The following DDX39A variants were observed in gnomAD, a reference collection of about 807,000 sequenced individuals.
DDX39A encodes the protein DExD-box helicase 39A, also known as ATP-dependent RNA helicase DDX39A.
DDX39A carries 13 observed loss-of-function variants against 46.3 expected under a neutral mutation model. The observed-to-expected ratio is 0.28, with a 90% CI of 0.18 to 0.45. The LOEUF (loss-of-function observed/expected upper bound fraction) is 0.45. DDX39A is among the 20% of genes least tolerant of loss of function. The pLI is 1.00. For synonymous variants in DDX39A, 234 were observed against 224.6 expected (o/e 1.04, Z -0.38); for missense variants, 352 against 581.8 (o/e 0.61, Z 4.06).
intron 1 of DDX39A, chr19:14,418,966 G>C: frequency 2.2e-6 from 1 of 456,136 alleles, no homozygotes; most frequent in Non-Finnish European, 4.4e-6. Flanking sequence ...GGCCGCCGCG[G>C]GGTCTATTCG....
chr19:14,418,959 C>T (rs1294902001), intron 1 of DDX39A: 1 of 456,158 alleles, frequency 2.2e-6, no homozygotes, highest in African/African-American at 2.0e-5. Context: ...GGCCCCAGGC[C>T]GCCGCGGGGT....
intron 1 of DDX39A, among the ~76,000 whole-genome samples, chr19:14,415,087 C>G (rs1016804371): frequency 6.6e-6 from 1 of 152,102 alleles, no homozygotes; most frequent in Non-Finnish European, 1.5e-5. Context: ...ACTTCATCAC[C>G]TTGAAATAAA....
upstream of DDX39A, chr19:14,419,378 G>C (rs1976956102): frequency 4.9e-6 from 1 of 206,026 alleles, no homozygotes; most frequent in Non-Finnish European, 1.0e-5. Context: ...GCGTCGGGCT[G>C]CTGCTCTGCT....
In DDX39A at chr19:14,410,156, T is replaced by G. The variant is rs1976514252; in HGVS notation, c.732+60A>C. 1 of 1,515,592 alleles carries G rather than the reference T, an allele frequency of 6.6e-7. No homozygotes were observed. Among genetic ancestry groups the G allele is most frequent in the South Asian group, 1.1e-5 (1 of 89,034 alleles). 93.9% of individuals were successfully genotyped at this position (1,515,592 alleles called of 1,614,324 possible). Reference sequence around the variant, plus strand: ...TGCCATGTGGGCCGTGCGGGTGTCCTGGGGCCCCAGGCTCCAGGCCCCTGG... The same window carrying G: ...TGCCATGTGGGCCGTGCGGGTGTCCGGGGGCCCCAGGCTCCAGGCCCCTGG... On this transcript the variant is annotated intron_variant, in intron 6 of 10. Transcript: ENST00000242776. The surrounding 1 kb of genome is among the most constrained non-coding windows in gnomAD (Gnocchi z 4.3).
At position 14,412,945 on chromosome 19, in the gene DDX39A, C is replaced by A; in HGVS notation, c.208+68G>T. On this transcript the variant is annotated intron_variant, in intron 2 of 10. Transcript: ENST00000242776. The surrounding 1 kb of genome is among the most constrained non-coding windows in gnomAD (Gnocchi z 4.4). The stretch of plus-strand genomic sequence containing the variant: ...ACGGCAAACTGGAGGCGGCACCGCT[C>A]TGGGCGGGCAGGGCTGGTCTTGTCT... The A allele has an allele frequency of 6.5e-7, 1 of 1,540,606 alleles. No homozygotes were observed. The highest frequency in any genetic ancestry group is 1.2e-5 in the South Asian group (1 of 82,490).
Position 14,412,572 on chromosome 19 carries a change from C to G in DDX39A, c.315G>C (p.Gln105His), listed in dbSNP as rs199574894. Reference protein sequence around the residue: ...TAVFVLATLQQIEPVNGQVTV... With the variant: ...TAVFVLATLQHIEPVNGQVTV... Reference sequence around the variant, plus strand: ...CCACCTGTCCGTTGACAGGCTCAATCTGCTGTAGGGTGGCCAGCACGAAGA... The same window carrying G: ...CCACCTGTCCGTTGACAGGCTCAATGTGCTGTAGGGTGGCCAGCACGAAGA... Residue 105 changes from glutamine (Q) to histidine (H), a missense_variant, in exon 3 of 11, where the codon CAG becomes CAC. Gln to His is a conservative substitution (Grantham distance 24). This residue lies in a region of DDX39A where 301 missense variants were observed against 469.9 expected (regional missense o/e 0.64). Coordinates refer to ENST00000242776, the MANE Select transcript of DDX39A (RefSeq NM_005804.4). The surrounding 1 kb of genome is among the most constrained non-coding windows in gnomAD (Gnocchi z 4.4). 1 of 1,609,734 alleles carries G rather than the reference C, an allele frequency of 6.2e-7. No individual in the cohort carries two copies. Among genetic ancestry groups the G allele is most frequent in the Non-Finnish European group, 8.5e-7 (1 of 1,179,942 alleles).
rs775811775 is a variant in DDX39A at position 14,409,671 on chromosome 19, CCA to C, written c.865-28_865-27del. 5.0e-6 allele frequency: 8 copies of C among 1,609,640 alleles called. No individual in the cohort carries two copies. In the African/African-American group the frequency reaches 8.0e-5, roughly 16 times the overall value. ...CTGAGGGAAGGAGTGGCAGTCAGGG[CCA>C]CACAGTCCCTGTGGCCCAGTGACCT... On this transcript the variant is annotated intron_variant, in intron 7 of 10. Coordinates refer to ENST00000242776, the MANE Select transcript of DDX39A (RefSeq NM_005804.4). The surrounding 1 kb of genome is among the most constrained non-coding windows in gnomAD (Gnocchi z 8.3).
At position 14,413,235 on chromosome 19, in the gene DDX39A, A is replaced by AG. The variant is rs1238938020; in HGVS notation, c.-4-12dup. 5 of 1,611,734 alleles carry AG rather than the reference A, an allele frequency of 3.1e-6. No individual in the cohort carries two copies. In the South Asian group the frequency reaches 4.4e-5, roughly 14 times the overall value. ...TGTTCTGCCATGATGCTGAGAAGAG[A>AG]GAGAGGCAGGGTCCCGCGAGTGGGC... is the stretch of plus-strand genomic sequence containing the variant. On this transcript the variant is annotated splice_polypyrimidine_tract_variant and intron_variant, in intron 1 of 10. Transcript: ENST00000242776.
At position 14,410,483 on chromosome 19, in the gene DDX39A, T is replaced by G; in HGVS notation, c.614-149A>C. 1.4e-6 allele frequency: 1 copy of G among 693,164 alleles called. No homozygotes were observed. Among genetic ancestry groups the G allele is most frequent in the Non-Finnish European group, 2.5e-6 (1 of 395,846 alleles). 42.9% of individuals were successfully genotyped at this position (693,164 alleles called of 1,614,324 possible). On this transcript the variant is annotated intron_variant, in intron 5 of 10. Transcript: ENST00000242776. This position sits in a 1 kb window ranked among gnomAD's most constrained non-coding sequence, Gnocchi z 4.3. The stretch of plus-strand genomic sequence containing the variant: ...AGTGAGCCGCGGGAGTGGCCAGTCC[T>G]GGTGCCTGAGGGGCTGGGGGGTGGC...
intron 1 of DDX39A, among the ~76,000 whole-genome samples, chr19:14,418,310 G>A (rs956590753): frequency 3.3e-5 from 5 of 152,024 alleles, no homozygotes; most frequent in African/African-American, 1.2e-4. Context: ...AAGGCGCCAG[G>A]AGCGCATGAA....
rs36127505 is a variant in DDX39A, at chr19:14,411,511, C to T, written c.424G>A (p.Val142Ile). 3.1e-3 allele frequency: 5,080 copies of T among 1,614,084 alleles called. 128 individuals are homozygous for T. In the African/African-American group the frequency reaches 0.053, roughly 17 times the overall value. The change falls in exon 4 of 11, where the codon GTC (valine) becomes ATC (isoleucine). Residue 142 changes from valine to isoleucine, a missense_variant. By Grantham distance (29) the Val-to-Ile change is conservative (BLOSUM62 3). Transcript: ENST00000242776. The surrounding 1 kb of genome is among the most constrained non-coding windows in gnomAD (Gnocchi z 4.1). ...YERFSKYMPS[V>I]KVSVFFGGLS... Reference sequence around the variant, plus strand: ...GTCTGGCCCGAGGGACTCACCTTGACGCTGGGCATGTACTTGGAAAAGCGC... The same window carrying T: ...GTCTGGCCCGAGGGACTCACCTTGATGCTGGGCATGTACTTGGAAAAGCGC...
rs753774578 is a variant in DDX39A, at chr19:14,408,909, CGGGTGGGCGGCTCT to C, written c.*13_*26del. 15 of 1,566,532 alleles carry C rather than the reference CGGGTGGGCGGCTCT, an allele frequency of 9.6e-6. No homozygotes were observed. The highest frequency in any genetic ancestry group is 8.3e-5 in the South Asian group (7 of 83,918). On this transcript the variant is annotated 3_prime_UTR_variant, in exon 11 of 11. Coordinates refer to ENST00000242776, the MANE Select transcript of DDX39A (RefSeq NM_005804.4). Reference sequence around the variant, plus strand: ...AGGTGAAGCTGCATGCGGGCGGCTCCGGGTGGGCGGCTCTGGCACGTGGTGGTTACCGGCTCTGC... The same window carrying C: ...AGGTGAAGCTGCATGCGGGCGGCTCCGGCACGTGGTGGTTACCGGCTCTGC...
At position 14,411,641 on chromosome 19, in the gene DDX39A, C is replaced by T; in HGVS notation, c.337-43G>A. On this transcript the variant is annotated intron_variant, in intron 3 of 10. Transcript: ENST00000242776. The surrounding 1 kb of genome is among the most constrained non-coding windows in gnomAD (Gnocchi z 4.1). Reference sequence around the variant, plus strand: ...AAGAGGGCCTTACCTTAGGCAGTGTCCTAAACCCCTTCCCCACCAGAGTCC... The same window carrying T: ...AAGAGGGCCTTACCTTAGGCAGTGTTCTAAACCCCTTCCCCACCAGAGTCC... The T allele has an allele frequency of 6.4e-7, 1 of 1,565,780 alleles. No individual in the cohort carries two copies. Among genetic ancestry groups the T allele is most frequent in the Non-Finnish European group, 8.8e-7 (1 of 1,138,718 alleles).
chr19:14,408,837 A>T lies in DDX39A; in HGVS notation c.*99T>A. Reference sequence around the variant, plus strand: ...GCCAGGCTTCCATAATAACAAGTTTATTCTCATACAATCTCTAGCTTCTCA... The same window carrying T: ...GCCAGGCTTCCATAATAACAAGTTTTTTCTCATACAATCTCTAGCTTCTCA... On this transcript the variant is annotated 3_prime_UTR_variant, in exon 11 of 11. Transcript: ENST00000242776. 2 of 1,479,874 alleles carry T rather than the reference A, an allele frequency of 1.4e-6. No individual in the cohort carries two copies. Among genetic ancestry groups the T allele is most frequent in the Non-Finnish European group, 1.8e-6 (2 of 1,106,212 alleles). 91.7% of individuals were successfully genotyped at this position (1,479,874 alleles called of 1,614,324 possible).
Position 14,410,460 on chromosome 19 carries a change from T to C in DDX39A, c.614-126A>G. 1.2e-6 allele frequency: 1 copy of C among 826,336 alleles called. No homozygotes were observed. Among genetic ancestry groups the C allele is most frequent in the Non-Finnish European group, 2.0e-6 (1 of 501,642 alleles). 51.2% of individuals were successfully genotyped at this position (826,336 alleles called of 1,614,324 possible). On this transcript the variant is annotated intron_variant, in intron 5 of 10. Transcript: ENST00000242776. The surrounding 1 kb of genome is among the most constrained non-coding windows in gnomAD (Gnocchi z 4.3). ...CAGTGGCACCGTGACGAGGGCAGAG[T>C]GAGCCGCGGGAGTGGCCAGTCCTGG...
At position 14,409,321 on chromosome 19, in the gene DDX39A, C is replaced by T. The variant is rs151091447; in HGVS notation, c.1101G>A (p.Ser367=). ...IVFNYDMPED[S]DTYLHRVARA... ...TGCTCACCCGGTGCAGGTAGGTGTC[C>T]GAGTCCTCAGGCATGTCGTAGTTAA... Residue 367 remains serine (S), a synonymous_variant, in exon 9 of 11, where the codon TCG becomes TCA. Coordinates refer to ENST00000242776, the MANE Select transcript of DDX39A (RefSeq NM_005804.4). This position sits in a 1 kb window ranked among gnomAD's most constrained non-coding sequence, Gnocchi z 8.3. The T allele has an allele frequency of 9.9e-6, 16 of 1,614,054 alleles. No individual in the cohort carries two copies. The highest frequency in any genetic ancestry group is 2.2e-5 in the East Asian group (1 of 44,904).
chr19:14,408,890 AGCTGCATGCGGGCGGCTCCG>A lies in DDX39A; in HGVS notation c.*26_*45del. On this transcript the variant is annotated 3_prime_UTR_variant, in exon 11 of 11. Transcript: ENST00000242776. The stretch of plus-strand genomic sequence containing the variant: ...AGTGGCGCCTGGAAAGGGGAGGTGA[AGCTGCATGCGGGCGGCTCCG>A]GGTGGGCGGCTCTGGCACGTGGTGG... 6.5e-7 allele frequency: 1 copy of A among 1,546,336 alleles called. No homozygotes were observed. Among genetic ancestry groups the A allele is most frequent in the Non-Finnish European group, 8.7e-7 (1 of 1,146,256 alleles).
chr19:14,416,467 G>A (rs1025046386), intron 1 of DDX39A: 1 of 152,196 alleles, frequency 6.6e-6, no homozygotes, highest in Non-Finnish European at 1.5e-5. Flanking sequence ...TAGAATAAAG[G>A]CGTTCAGGCA....
At chr19:14,418,043 C>T (rs1431518168) in intron 1 of DDX39A, among the ~76,000 whole-genome samples, 3 of 147,062 alleles carry the variant, frequency 2.0e-5, no homozygotes, top group Non-Finnish European at 3.0e-5. Context: ...CTTGCTTGAA[C>T]CCGGAAGACG....
Sources: gnomAD v4.1 joint callset for allele counts (sites outside exome capture counted in the v4.1 genomes callset) on GRCh38, gnomAD v4.1.1 for gene constraint, gnomAD v4.1.1 regional missense constraint, Gnocchi (gnomAD v3.1) non-coding constraint, MANE v1.5 for transcripts, NCBI Gene and HGNC (gene_info 2026-07-23, HGNC 2026-07-21) for gene names.